PSD3: variants seen among roughly 807,000 people sequenced by gnomAD.
The protein encoded by PSD3 is pleckstrin and Sec7 domain containing 3.
A neutral mutation model predicts 105.5 loss-of-function variants in PSD3; 49 were observed. The observed-to-expected ratio is 0.46, with a 90% CI of 0.37 to 0.59. PSD3 has a LOEUF of 0.59. Among genes scored for constraint, PSD3 ranks in the 20% least tolerant of loss-of-function variants. The probability of loss-of-function intolerance (pLI) is 0.00; values close to 1 mark genes in which losing one functional copy is unlikely to be tolerated. For missense variants in PSD3, 1,561 were observed against 1,263.8 expected (o/e 1.24, Z -3.57); for synonymous variants, 557 against 457.8 (o/e 1.22, Z -2.77).
intron 10 of PSD3, among the ~76,000 whole-genome samples, chr8:18,642,890 C>A (rs987347857): frequency 2.0e-5 from 3 of 152,154 alleles, no homozygotes; most frequent in Non-Finnish European, 2.9e-5. Flanking sequence ...GGTGGCAAAT[C>A]TTTCCAGTTT....
chr8:18,555,112 T>C (rs1800987608), intron 15 of PSD3, among the ~76,000 whole-genome samples: 1 of 151,948 alleles, frequency 6.6e-6, no homozygotes, highest in African/African-American at 2.4e-5. Flanking sequence ...AGCAGAGGAA[T>C]GCCGTCATCT....
chr8:19,011,928 A>T (rs1826970661), intron 1 of PSD3, among the ~76,000 whole-genome samples: 1 of 152,250 alleles, frequency 6.6e-6, no homozygotes, highest in Admixed American at 6.5e-5. Context: ...ATGTGAAATT[A>T]AGAGTACATC....
intron 3 of PSD3, among the ~76,000 whole-genome samples, chr8:18,869,211 A>C (rs113768011): frequency 3.5e-4 from 37 of 104,246 alleles, no homozygotes; most frequent in Non-Finnish European, 6.6e-4. Flanking sequence ...TTTTTTTGAG[A>C]TGCAGTCTAA....
chr8:18,615,475 C>T (rs911271380), intron 11 of PSD3, among the ~76,000 whole-genome samples: 2 of 152,112 alleles, frequency 1.3e-5, no homozygotes, highest in Non-Finnish European at 2.9e-5. Context: ...GCGCACCCTT[C>T]TATATAGAAG....
chr8:19,051,135 G>C (rs796547841), intron 1 of PSD3, among the ~76,000 whole-genome samples: 1 of 152,098 alleles, frequency 6.6e-6, no homozygotes, highest in Admixed American at 6.5e-5. Context: ...AAGACCTTCA[G>C]CATCTCCATG....
intron 1 of PSD3, chr8:19,084,111 G>A (rs1310562852): frequency 8.0e-6 from 3 of 373,810 alleles, no homozygotes; most frequent in Admixed American, 3.2e-5. Context: ...TCTAAGCAGA[G>A]GAGAGAACCA....
intron 1 of PSD3, among the ~76,000 whole-genome samples, chr8:19,057,845 G>A (rs1168568981): frequency 2.6e-5 from 4 of 152,170 alleles, no homozygotes; most frequent in African/African-American, 9.7e-5. Context: ...TGGTGGGCGT[G>A]CAAAATGACA....
chr8:18,574,609 G>A (rs1802360245), intron 13 of PSD3, among the ~76,000 whole-genome samples: 1 of 151,974 alleles, frequency 6.6e-6, no homozygotes, highest in Admixed American at 6.6e-5. Flanking sequence ...AGCTCAGAAG[G>A]GAAACAAAAA....
intron 1 of PSD3, among the ~76,000 whole-genome samples, chr8:18,962,260 AAGAT>A (rs1390334941): frequency 2.0e-5 from 3 of 152,186 alleles, no homozygotes; most frequent in African/African-American, 4.8e-5. Flanking sequence ...AAAAAAAAGA[AAGAT>A]AGGTCCATTG....
chr8:18,535,970 G>C lies in PSD3; in HGVS notation c.2929-12C>G, dbSNP rs201406792. ...TCATAGCGGGTTTTCTGAAGGCAAA[G>C]CCAGAGAACAACGGTAGTCAGAAAA... On this transcript the variant is annotated splice_polypyrimidine_tract_variant and intron_variant, in intron 15 of 15. Transcript: ENST00000327040. 6.2e-7 allele frequency: 1 copy of C among 1,609,676 alleles called. No homozygotes were observed. Among genetic ancestry groups the C allele is most frequent in the Admixed American group, 1.7e-5 (1 of 60,000 alleles).
chr8:18,790,296 T>C (rs550181597), intron 8 of PSD3, among the ~76,000 whole-genome samples: 1 of 150,188 alleles, frequency 6.7e-6, no homozygotes, highest in Admixed American at 6.6e-5. Context: ...CATTTTTCTT[T>C]TTTCTTTTCT....
chr8:19,079,293 G>C (rs1829565621), intron 1 of PSD3, among the ~76,000 whole-genome samples: 1 of 152,090 alleles, frequency 6.6e-6, no homozygotes, highest in Non-Finnish European at 1.5e-5. Context: ...ATGAACTAAA[G>C]ATAAGCTTTT....
chr8:18,964,504 T>G (rs945428385), intron 1 of PSD3, among the ~76,000 whole-genome samples: 17 of 151,832 alleles, frequency 1.1e-4, no homozygotes, highest in Non-Finnish European at 4.4e-5. Context: ...CCTTAAAACC[T>G]GGAGCATTTT....
At chr8:18,691,837 T>C (rs1343978381) in intron 9 of PSD3, among the ~76,000 whole-genome samples, 2 of 152,178 alleles carry the variant, frequency 1.3e-5, no homozygotes, top group East Asian at 1.9e-4. Flanking sequence ...AATTATTCTC[T>C]AAGTAAAAAA....
intron 12 of PSD3, among the ~76,000 whole-genome samples, chr8:18,581,167 T>G (rs551867018): frequency 1.3e-5 from 2 of 152,312 alleles, no homozygotes; most frequent in South Asian, 4.1e-4. Flanking sequence ...ATGTCAACCA[T>G]GATGGATCAT....
intron 9 of PSD3, among the ~76,000 whole-genome samples, chr8:18,744,917 CA>C (rs567113792): frequency 1.4e-3 from 219 of 152,252 alleles, no homozygotes; most frequent in Admixed American, 3.1e-3. Context: ...CTCGACACTT[CA>C]AAAGAAGATG....
intron 11 of PSD3, among the ~76,000 whole-genome samples, chr8:18,619,016 C>A: frequency 6.6e-6 from 1 of 152,092 alleles, no homozygotes; most frequent in East Asian, 1.9e-4. Flanking sequence ...TCCTCCTCAC[C>A]AAGAGTATTA....
intron 9 of PSD3, among the ~76,000 whole-genome samples, chr8:18,691,490 T>C (rs929948905): frequency 6.6e-6 from 1 of 152,212 alleles, no homozygotes; most frequent in Non-Finnish European, 1.5e-5. Context: ...AAACTTACCC[T>C]ATATACCTGA....
chr8:18,557,350 A>T (rs1801143584), intron 14 of PSD3: 1 of 152,250 alleles, frequency 6.6e-6, no homozygotes. Context: ...GAGGGGAATA[A>T]TTTTTTACAT....
Sources: allele counts gnomAD v4.1 joint callset (sites outside exome capture counted in the v4.1 genomes callset), GRCh38; gene constraint gnomAD v4.1.1; transcripts MANE v1.5; gene names NCBI Gene and HGNC (gene_info 2026-07-23, HGNC 2026-07-21).